ZNF638: variants seen among roughly 807,000 people sequenced by gnomAD.
The protein encoded by ZNF638 is CTCL tumor antigen se33-1.
ZNF638 carries 46 observed loss-of-function variants against 195.6 expected under a neutral mutation model. The observed-to-expected ratio is 0.24, with a 90% CI of 0.19 to 0.30. The LOEUF is 0.30. Ranked by LOEUF, ZNF638 falls within the 10% of genes least tolerant of loss-of-function variation. The pLI, the probability that ZNF638 is intolerant of heterozygous loss-of-function variation, is 1.00. For synonymous variants in ZNF638, 845 were observed against 772.0 expected, an observed-to-expected ratio of 1.09 and a Z score of -1.57; for missense variants, 2,440 against 2,325.3, an observed-to-expected ratio of 1.05 and a Z score of -1.01.
At chr2:71,427,500 A>G (rs1347298809) in intron 24 of ZNF638, 86 bp downstream of exon 24, 2 of 1,007,008 alleles carry the variant, frequency 2.0e-6, no homozygotes, top group Admixed American at 3.2e-5. Context: ...TGGCATTACC[A>G]ATAATGTCAC....
intron 16 of ZNF638, among the ~76,000 whole-genome samples, chr2:71,402,936 GT>G (rs1406187291): frequency 2.6e-5 from 4 of 152,044 alleles, no homozygotes; most frequent in East Asian, 1.9e-4. Flanking sequence ...GTGAGTACAG[GT>G]GAGTTATGTG....
chr2:71,353,786 G>A (rs111823768), intron 2 of ZNF638, among the ~76,000 whole-genome samples: 3 of 152,160 alleles, frequency 2.0e-5, no homozygotes, highest in Admixed American at 6.5e-5. Flanking sequence ...TGTTGGCAAC[G>A]TATTCAGATA....
At position 71,418,652 on chromosome 2, in the gene ZNF638, A is replaced by G; in HGVS notation, c.3299+13A>G. 6.5e-7 allele frequency: 1 copy of G among 1,545,562 alleles called. No homozygotes were observed. The highest frequency in any genetic ancestry group is 8.8e-7 in the Non-Finnish European group (1 of 1,142,352). Reference sequence around the variant, plus strand: ...TAGAAAAAGAAAGGTATGTTGCTTTATGTTTACTAACACTTTTGTATAGTA... The same window carrying G: ...TAGAAAAAGAAAGGTATGTTGCTTTGTGTTTACTAACACTTTTGTATAGTA... On this transcript the variant is annotated intron_variant, in intron 21 of 27. Coordinates refer to ENST00000264447, the MANE Select transcript of ZNF638 (RefSeq NM_014497.5).
chr2:71,341,605 T>C (rs560490883), intron 1 of ZNF638: 1 of 152,210 alleles, frequency 6.6e-6, no homozygotes, highest in Admixed American at 6.5e-5. Context: ...CTTACATAAC[T>C]AGGAATAAAA....
At chr2:71,387,278 T>C (rs1294937702) in intron 10 of ZNF638, among the ~76,000 whole-genome samples, 1 of 152,148 alleles carries the variant, frequency 6.6e-6, no homozygotes, top group African/African-American at 2.4e-5. Flanking sequence ...TCCCAAAACA[T>C]ACAAAACATC....
At chr2:71,340,883 C>T (rs1480680445) in intron 1 of ZNF638, among the ~76,000 whole-genome samples, 1 of 152,024 alleles carries the variant, frequency 6.6e-6, no homozygotes, top group East Asian at 1.9e-4. Flanking sequence ...GAAGCTCAGA[C>T]GAGATAATAT....
At chr2:71,389,729 C>T (rs1159188872) in intron 10 of ZNF638, among the ~76,000 whole-genome samples, 1 of 152,246 alleles carries the variant, frequency 6.6e-6, no homozygotes, top group Admixed American at 6.5e-5. Context: ...TATAAATGTT[C>T]GACAAGGGCC....
At chr2:71,337,563 G>A (rs1165195395) in intron 1 of ZNF638, among the ~76,000 whole-genome samples, 2 of 152,010 alleles carry the variant, frequency 1.3e-5, no homozygotes, top group Non-Finnish European at 2.9e-5. Flanking sequence ...GCACCACCAT[G>A]CCTGGCTACG....
rs1573030431 is a variant in ZNF638 at position 71,349,969 on chromosome 2, T to C, written c.1015T>C (p.Ser339Pro). ...ATCTATGAACCAGCAACCTTTTTCG[T>C]CGGAATTAATTTCATCTGTAAGCCA... ...PPSMNQQPFSSELISSVSQQE... is the reference protein window; with the variant it reads ...PPSMNQQPFSPELISSVSQQE... The change falls in exon 2 of 28, where the codon TCG becomes CCG. Residue 339 changes from serine to proline, a missense_variant. Ser to Pro is a moderately conservative substitution (Grantham distance 74, BLOSUM62 -1). Transcript: ENST00000264447. 6.2e-7 allele frequency: 1 copy of C among 1,614,174 alleles called. No individual in the cohort carries two copies. Among genetic ancestry groups the C allele is most frequent in the East Asian group, 2.2e-5 (1 of 44,884 alleles).
At chr2:71,340,432 C>G (rs1421965056) in intron 1 of ZNF638, among the ~76,000 whole-genome samples, 1 of 152,184 alleles carries the variant, frequency 6.6e-6, no homozygotes, top group Non-Finnish European at 1.5e-5. Flanking sequence ...CAGGAAAGCA[C>G]AGAATGACAT....
chr2:71,360,465 C>T (rs1032734090), intron 3 of ZNF638, among the ~76,000 whole-genome samples: 2 of 149,548 alleles, frequency 1.3e-5, no homozygotes, highest in Non-Finnish European at 3.0e-5. Context: ...TTTTATAATT[C>T]TTCTTGTTTG....
chr2:71,342,500 T>C (rs1017906491), intron 1 of ZNF638, among the ~76,000 whole-genome samples: 1 of 152,218 alleles, frequency 6.6e-6, no homozygotes, highest in African/African-American at 2.4e-5. Context: ...CCTGTAACTT[T>C]TGCCTCTTTT....
intron 1 of ZNF638, among the ~76,000 whole-genome samples, chr2:71,335,802 T>C (rs982196428): frequency 2.0e-4 from 30 of 152,360 alleles, no homozygotes; most frequent in Admixed American, 6.5e-4. Context: ...TTAATTTTAA[T>C]GTCAGATATT....
intron 10 of ZNF638, among the ~76,000 whole-genome samples, chr2:71,390,385 C>T (rs2079747875): frequency 6.6e-6 from 1 of 152,314 alleles, no homozygotes; most frequent in African/African-American, 2.4e-5. Flanking sequence ...CAACAGGGAT[C>T]TGGGGCCCAC....
At position 71,427,351 on chromosome 2, in the gene ZNF638, G is replaced by C. The variant is rs746609523; in HGVS notation, c.5482G>C (p.Gly1828Arg). Residue 1828 changes from glycine (G) to arginine (R), a missense_variant, in exon 24 of 28, where the codon GGT (glycine) becomes CGT (arginine). Gly to Arg is a moderately radical substitution (Grantham distance 125). Transcript: ENST00000264447. ...AAAACTTGAATCCTTGTCCCAAGTG[G>C]GTCCAGTAAATGAGAATGTTATGGA... The part of the protein sequence containing the change: ...KTKLESLSQV[G>R]PVNENVMEED... 1 of 1,599,582 alleles carries C rather than the reference G, an allele frequency of 6.3e-7. No individual in the cohort carries two copies. The highest frequency in any genetic ancestry group is 8.5e-7 in the Non-Finnish European group (1 of 1,176,518).
chr2:71,353,395 T>C lies in ZNF638; in HGVS notation c.1318-2324T>C, dbSNP rs1267735132. ...GAGTGAGCCCTGATACGAGTAGTTA[T>C]ATATTTTCAGTTTCATTCTGAGCCT... On this transcript the variant is annotated intron_variant, in intron 2 of 27. Transcript: ENST00000264447. 5.3e-5 allele frequency among the ~76,000 whole-genome samples: 8 copies of C among 152,212 alleles called. No homozygotes were observed. The East Asian group carries it at 1.2e-3, about 22-fold the overall frequency.
In ZNF638 at chr2:71,349,998, A is replaced by G; in HGVS notation, c.1044A>G (p.Gln348=). 1 of 1,614,246 alleles carries G rather than the reference A, an allele frequency of 6.2e-7. No homozygotes were observed. The highest frequency in any genetic ancestry group is 8.5e-7 in the Non-Finnish European group (1 of 1,180,046). The change falls in exon 2 of 28, where the codon CAA becomes CAG. Residue 348 remains glutamine, a synonymous_variant. Coordinates refer to ENST00000264447, the MANE Select transcript of ZNF638 (RefSeq NM_014497.5). The part of the protein sequence containing the change: ...SSELISSVSQ[Q]ERIPHEPVIN... ...AATTAATTTCATCTGTAAGCCAGCA[A>G]GAGCGGATCCCACATGAACCTGTGA...
chr2:71,363,300 C>T, intron 4 of ZNF638, 109 bp downstream of exon 4: 1 of 793,360 alleles, frequency 1.3e-6, no homozygotes, highest in Non-Finnish European at 2.0e-6. Context: ...ATTTAAACAA[C>T]AGGCAAATGC....
chr2:71,350,335 G>T, intron 2 of ZNF638, 64 bp downstream of exon 2: 1 of 1,483,348 alleles, frequency 6.7e-7, no homozygotes. Context: ...TCTAAATTCT[G>T]ATATGTATGC....
Sources: allele counts gnomAD v4.1 joint callset (sites outside exome capture counted in the v4.1 genomes callset), GRCh38; gene constraint gnomAD v4.1.1; transcripts MANE v1.5; gene names NCBI Gene and HGNC (gene_info 2026-07-23, HGNC 2026-07-21).